BRAT1: variants seen among roughly 807,000 people sequenced by gnomAD.
The protein encoded by BRAT1 is integrator complex assembly factor BRAT1.
BRAT1 carries 74 observed loss-of-function variants against 70.6 expected under a neutral mutation model. The observed-to-expected ratio is 1.05, with a 90% CI of 0.87 to 1.27. The LOEUF (loss-of-function observed/expected upper bound fraction) is 1.27, where lower values mean the gene tolerates loss of function less well. Among genes scored for constraint, BRAT1 ranks in the 50% most tolerant of loss-of-function variants. The probability of loss-of-function intolerance (pLI) is 0.00; values close to 1 mark genes in which losing one functional copy is unlikely to be tolerated. For synonymous variants in BRAT1, 615 were observed against 517.1 expected (o/e 1.19, Z -2.57); for missense variants, 1,203 against 1,098.2 (o/e 1.10, Z -1.35).
Position 2,545,049 on chromosome 7 carries a change from T to C in BRAT1, c.290A>G (p.Glu97Gly). The stretch of plus-strand genomic sequence containing the variant: ...CTCCCCAAAGAGCCCTGGTAGTAAC[T>C]CCCCCTGCTGGGAAGCAAAAAAAGA... The part of the protein sequence containing the change: ...ENCFQYLQQG[E>G]LLPGLFGEPG... Residue 97 changes from glutamate (E) to glycine (G), a missense_variant, in exon 4 of 14, where the codon GAG becomes GGG. By Grantham distance (98) the Glu-to-Gly change is moderately conservative. Transcript: ENST00000340611. 1.3e-6 allele frequency: 2 copies of C among 1,494,350 alleles called. No homozygotes were observed. Among genetic ancestry groups the C allele is most frequent in the Non-Finnish European group, 8.9e-7 (1 of 1,120,174 alleles). The allele number at this position is 1,494,350 out of a possible 1,614,324, so 92.6% of individuals were successfully genotyped here. A position where few individuals can be genotyped will look rare whatever the true frequency, so the allele number is the denominator to read the frequency against.
At chr7:2,544,200 G>GTTTTTTTTTTTTTTTTTTTT (rs1172630697) in intron 4 of BRAT1, 2 of 105,714 alleles carry the variant, frequency 1.9e-5, no homozygotes, top group African/African-American at 4.4e-5. Flanking sequence ...CCTTCTTGTT[G>GTTTTTTTTTTTTTTTTTTTT]TTTTTTTTTT....
At chr7:2,544,067 G>A in intron 4 of BRAT1, 105 bp from the exon 5 acceptor site, 3 of 979,254 alleles carry the variant, frequency 3.1e-6, no homozygotes, top group South Asian at 2.1e-5. Context: ...GGCCCCCCAA[G>A]ATGCCCCCAA....
In BRAT1 at chr7:2,538,260, C is replaced by T. The variant is rs1778839080; in HGVS notation, c.2275G>A (p.Glu759Lys). Residue 759 changes from glutamate (E) to lysine (K), a missense_variant, in exon 14 of 14, where the codon GAG becomes AAG. Physicochemically the swap from Glu to Lys is moderately conservative, Grantham distance 56. Transcript: ENST00000340611. Reference protein sequence around the residue: ...EATLPRWRAGEQAQPPGDQEP... With the variant: ...EATLPRWRAGKQAQPPGDQEP... ...TGGTCCCCTGGGGGCTGGGCCTGCT[C>T]ACCCGCCCGCCACCTCGGCAGGGTG... 1.9e-6 allele frequency: 3 copies of T among 1,610,854 alleles called. No homozygotes were observed. Among genetic ancestry groups the T allele is most frequent in the Non-Finnish European group, 2.5e-6 (3 of 1,179,088 alleles).
chr7:2,553,433 A>G (rs1253769407), intron 2 of BRAT1, among the ~76,000 whole-genome samples: 1 of 152,230 alleles, frequency 6.6e-6, no homozygotes, highest in Non-Finnish European at 1.5e-5. Flanking sequence ...ACATGTAGTC[A>G]ATAACATTAA....
At position 2,539,781 on chromosome 7, in the gene BRAT1, G is replaced by C. The variant is rs746669517; in HGVS notation, c.1498+5C>G. Reference sequence around the variant, plus strand: ...TCCGTTCACCCCTGCAAGGGGCTGCGTTACCTCTGAGGAACTGCGGGATGA... The same window carrying C: ...TCCGTTCACCCCTGCAAGGGGCTGCCTTACCTCTGAGGAACTGCGGGATGA... On this transcript the variant is annotated splice_donor_5th_base_variant and intron_variant, in intron 11 of 13. Coordinates refer to ENST00000340611, the MANE Select transcript of BRAT1 (RefSeq NM_152743.4). 36 of 1,609,302 alleles carry C rather than the reference G, an allele frequency of 2.2e-5. No individual in the cohort carries two copies. The South Asian group carries it at 3.1e-4, about 14-fold the overall frequency.
At chr7:2,550,383 A>G (rs1779911263) in intron 2 of BRAT1, among the ~76,000 whole-genome samples, 1 of 147,808 alleles carries the variant, frequency 6.8e-6, no homozygotes, top group Non-Finnish European at 1.5e-5. Flanking sequence ...TGAGAGAATC[A>G]TCTGAGCCCA....
intron 2 of BRAT1, 95 bp downstream of exon 2, chr7:2,554,210 C>A: frequency 6.7e-7 from 1 of 1,493,992 alleles, no homozygotes; most frequent in Non-Finnish European, 9.0e-7. Flanking sequence ...GCCCTTCCTC[C>A]AGGACAGGGG....
intron 12 of BRAT1, 56 bp downstream of exon 12, chr7:2,539,488 G>A (rs902079997): frequency 1.4e-5 from 21 of 1,510,824 alleles, no homozygotes; most frequent in Middle Eastern, 2.1e-4. Flanking sequence ...GTGCACCCTG[G>A]CTCAGTGAGC....
rs1046154680 is a variant in BRAT1 at position 2,547,434 on chromosome 7, G to C, written c.172C>G (p.Leu58Val). Residue 58 changes from leucine (L) to valine (V), a missense_variant, in exon 3 of 14, where the codon CTG (leucine) becomes GTG (valine). Coordinates refer to ENST00000340611, the MANE Select transcript of BRAT1 (RefSeq NM_152743.4). Reference sequence around the variant, plus strand: ...TGGACTTTCAGCACATGGGACAGCAGCTCCACCAGGCAGGGGTGCTCCTGC... The same window carrying C: ...TGGACTTTCAGCACATGGGACAGCACCTCCACCAGGCAGGGGTGCTCCTGC... ...LLQEHPCLVE[L>V]LSHVLKVQDL... 5.0e-6 allele frequency: 8 copies of C among 1,614,122 alleles called. No homozygotes were observed. The highest frequency in any genetic ancestry group is 6.8e-6 in the Non-Finnish European group (8 of 1,180,026).
intron 3 of BRAT1, among the ~76,000 whole-genome samples, chr7:2,546,862 G>T (rs1180023765): frequency 6.6e-6 from 1 of 152,186 alleles, no homozygotes; most frequent in Non-Finnish European, 1.5e-5. Context: ...GGAGGTGCAG[G>T]ATGTGCGGTC....
intron 2 of BRAT1, among the ~76,000 whole-genome samples, chr7:2,547,936 T>C (rs1371879139): frequency 6.6e-6 from 1 of 151,820 alleles, no homozygotes; most frequent in Non-Finnish European, 1.5e-5. Context: ...TACAAAAAAT[T>C]AGCCAGGTGT....
In BRAT1 at chr7:2,542,772, AG is replaced by A. The variant is rs762673357; in HGVS notation, c.923+431del. 158 of 170,632 alleles carry A rather than the reference AG, an allele frequency of 9.3e-4. 1 individual carries two copies. The highest frequency in any genetic ancestry group is 1.5e-3 in the Non-Finnish European group (118 of 77,988). The allele number at this position is 170,632 out of a possible 1,614,324, so 10.6% of individuals were successfully genotyped here. ...TTGTGAGCCCACCTGGAACACTGGC[AG>A]GCCATCCACGGCCTTCCCACCTGTC... On this transcript the variant is annotated intron_variant, in intron 6 of 13. Transcript: ENST00000340611.
At chr7:2,544,363 C>T (rs914326291) in intron 4 of BRAT1, 5 of 174,760 alleles carry the variant, frequency 2.9e-5, no homozygotes, top group East Asian at 1.6e-4. Flanking sequence ...CCATCATGCC[C>T]GGCTAATTTT....
At chr7:2,544,208 T>TTTTTTTTTG in intron 4 of BRAT1, 1 of 372,490 alleles carries the variant, frequency 2.7e-6, no homozygotes. Context: ...TTGTTTTTTT[T>TTTTTTTTTG]TTTTTTTTTT....
chr7:2,546,830 T>C (rs1779642921), intron 3 of BRAT1, among the ~76,000 whole-genome samples: 1 of 152,186 alleles, frequency 6.6e-6, no homozygotes, highest in Non-Finnish European at 1.5e-5. Context: ...TAGTTATTCA[T>C]TCATTTGTAG....
intron 2 of BRAT1, among the ~76,000 whole-genome samples, chr7:2,549,989 C>T (rs1042816717): frequency 6.6e-6 from 1 of 152,006 alleles, no homozygotes; most frequent in African/African-American, 2.4e-5. Context: ...GGTGAAACCC[C>T]GTCTCCGCAA....
intron 1 of BRAT1, among the ~76,000 whole-genome samples, chr7:2,554,953 CTG>C (rs746707310): frequency 1.5e-4 from 23 of 152,144 alleles, no homozygotes; most frequent in Non-Finnish European, 2.8e-4. Flanking sequence ...GAAGGGGCGC[CTG>C]TCCGTGTGTC....
At position 2,539,177 on chromosome 7, in the gene BRAT1, A is replaced by G; in HGVS notation, c.1770+2T>C. 1.3e-6 allele frequency: 2 copies of G among 1,591,998 alleles called. No homozygotes were observed. Among genetic ancestry groups the G allele is most frequent in the Non-Finnish European group, 1.7e-6 (2 of 1,166,520 alleles). ...CTGGCTGAGGAACCTGCCACCTCCTACCTGCCGGGCCTCTGCATGCTCAGG... is the reference window on the plus strand; with the variant it reads ...CTGGCTGAGGAACCTGCCACCTCCTGCCTGCCGGGCCTCTGCATGCTCAGG... On this transcript the variant is annotated splice_donor_variant, in intron 13 of 13. Transcript: ENST00000340611. LOFTEE classifies it high-confidence loss of function.
Position 2,539,351 on chromosome 7 carries a change from C to T in BRAT1, c.1598G>A (p.Gly533Glu), listed in dbSNP as rs1196356961. 6 of 1,601,532 alleles carry T rather than the reference C, an allele frequency of 3.7e-6. No individual in the cohort carries two copies. The highest frequency in any genetic ancestry group is 2.7e-5 in the African/African-American group (2 of 74,670). Residue 533 changes from glycine (G) to glutamate (E), a missense_variant and splice_region_variant, in exon 13 of 14, where the codon GGA becomes GAA. Transcript: ENST00000340611. ...GAGTGCGCATCTGAAGTCAGCCTGT[C>T]CTGGGGGTCGAAACGGCCACATGCA... Reference protein sequence around the residue: ...FLTQLSRHWGGQADFRCALLA... With the variant: ...FLTQLSRHWGEQADFRCALLA...
Sources: gnomAD v4.1 joint callset for allele counts (sites outside exome capture counted in the v4.1 genomes callset) on GRCh38, gnomAD v4.1.1 for gene constraint, MANE v1.5 for transcripts, NCBI Gene and HGNC (gene_info 2026-07-23, HGNC 2026-07-21) for gene names.